SVOPL: variants seen among roughly 807,000 people sequenced by gnomAD.
The protein encoded by SVOPL is putative transporter SVOPL.
In SVOPL, 60 loss-of-function variants were observed where a neutral mutation model predicts 61.0. The ratio of observed to expected loss-of-function variants is 0.98; its 90% CI spans 0.80 to 1.22. The LOEUF is 1.22. Ranked by LOEUF, SVOPL falls within the 50% of genes most tolerant of loss-of-function variation. SVOPL has a pLI of 0.00. For synonymous variants in SVOPL, 279 were observed against 250.0 expected, an observed-to-expected ratio of 1.12 and a Z score of -1.09; for missense variants, 662 against 643.9, an observed-to-expected ratio of 1.03 and a Z score of -0.30.
rs182309978 is a variant in SVOPL at position 138,602,908 on chromosome 7, G to T, written c.1354-6378C>A. 2.4e-3 allele frequency among the ~76,000 whole-genome samples: 361 copies of T among 152,070 alleles called. 1 individual carries two copies. The highest frequency in any genetic ancestry group is 4.8e-3 in the Admixed American group (74 of 15,268). ...AAGTGAACCAAACTTTGAAAAGGGG[G>T]TTATCCATCTGCCTCTGCAGGTCAC... is the stretch of plus-strand genomic sequence containing the variant. On this transcript the variant is annotated intron_variant, in intron 14 of 15. Coordinates refer to ENST00000674285, the MANE Select transcript of SVOPL (RefSeq NM_001139456.2).
intron 9 of SVOPL, among the ~76,000 whole-genome samples, chr7:138,631,725 C>T (rs1015533730): frequency 1.6e-4 from 24 of 152,130 alleles, no homozygotes; most frequent in African/African-American, 3.9e-4. Context: ...TACATCAAAT[C>T]GTCCAGCTAA....
In SVOPL at chr7:138,623,892, T is replaced by G. The variant is rs187540315; in HGVS notation, c.1263+2077A>C. On this transcript the variant is annotated intron_variant, in intron 13 of 15. Coordinates refer to ENST00000674285, the MANE Select transcript of SVOPL (RefSeq NM_001139456.2). ...TGCAGTGCAGTGGCTCGGTTTCGAC[T>G]CACCGCAACCTTTGCCCCCCAGGTT... Among the ~76,000 whole-genome samples the G allele has an allele frequency of 1.3e-4, 20 of 152,276 alleles. No individual in the cohort carries two copies. The East Asian group carries it at 3.1e-3, about 24-fold the overall frequency.
intron 4 of SVOPL, among the ~76,000 whole-genome samples, chr7:138,663,989 A>G (rs941500488): frequency 5.9e-5 from 9 of 152,078 alleles, no homozygotes; most frequent in African/African-American, 2.2e-4. Context: ...AATTCATCAT[A>G]TATATTCTTG....
chr7:138,611,068 G>A (rs900661540), intron 14 of SVOPL, among the ~76,000 whole-genome samples: 4 of 152,134 alleles, frequency 2.6e-5, no homozygotes, highest in Admixed American at 2.0e-4. Context: ...CTTCTCTTTT[G>A]CAATAGTTAT....
At chr7:138,678,292 C>T (rs1422622279) in intron 3 of SVOPL, 142 bp downstream of exon 3, 4 of 731,938 alleles carry the variant, frequency 5.5e-6, no homozygotes, top group East Asian at 2.9e-5. Context: ...AACGGTGCCC[C>T]ATCCACCTTG....
chr7:138,629,121 TTATA>T (rs796180145), intron 10 of SVOPL, among the ~76,000 whole-genome samples: 7,448 of 102,898 alleles, frequency 0.072, 618 homozygotes, highest in African/African-American at 0.25. Context: ...TAAGCATGTT[TTATA>T]TATGTGTGTG....
At chr7:138,679,643 G>T (rs1405722680) in intron 1 of SVOPL, among the ~76,000 whole-genome samples, 1 of 152,052 alleles carries the variant, frequency 6.6e-6, no homozygotes, top group Non-Finnish European at 1.5e-5. Context: ...TCTCAAATGG[G>T]TTTCCTAAAA....
chr7:138,671,607 C>T (rs1379356747), intron 4 of SVOPL, among the ~76,000 whole-genome samples: 1 of 152,166 alleles, frequency 6.6e-6, no homozygotes, highest in Non-Finnish European at 1.5e-5. Flanking sequence ...CTCAGCCTCC[C>T]AAAGTGCTGG....
At chr7:138,675,446 C>T (rs529188328) in intron 3 of SVOPL, among the ~76,000 whole-genome samples, 5 of 152,062 alleles carry the variant, frequency 3.3e-5, no homozygotes, top group South Asian at 2.1e-4. Context: ...CTCCATCTCC[C>T]GGGTTCAAGC....
Position 138,628,278 on chromosome 7 carries a change from C to T in SVOPL, c.949G>A (p.Asp317Asn). The stretch of plus-strand genomic sequence containing the variant: ...CCCCCAGTCACCACCACCGCAGAGT[C>T]TGACTTTGAACCACAGACCAAGTCC... The part of the protein sequence containing the change: ...ERDLVCGSKS[D>N]SAVVVTGGDS... Residue 317 changes from aspartate (D) to asparagine (N), a missense_variant, in exon 11 of 16, where the codon GAC becomes AAC. By Grantham distance (23) the Asp-to-Asn change is conservative. Coordinates refer to ENST00000674285, the MANE Select transcript of SVOPL (RefSeq NM_001139456.2). 4.3e-6 allele frequency: 7 copies of T among 1,614,220 alleles called. No individual in the cohort carries two copies. Among genetic ancestry groups the T allele is most frequent in the Non-Finnish European group, 5.9e-6 (7 of 1,180,048 alleles).
intron 9 of SVOPL, among the ~76,000 whole-genome samples, chr7:138,631,369 AATGT>A (rs1203007947): frequency 6.6e-6 from 1 of 152,106 alleles, no homozygotes; most frequent in Admixed American, 6.6e-5. Flanking sequence ...GTTATTCTAA[AATGT>A]ATGAGTAAGT....
At chr7:138,635,005 A>T (rs1304931193) in intron 9 of SVOPL, among the ~76,000 whole-genome samples, 2 of 152,148 alleles carry the variant, frequency 1.3e-5, no homozygotes, top group African/African-American at 4.8e-5. Context: ...GCAGTGGCTC[A>T]TGCCTGTAAT....
intron 1 of SVOPL, among the ~76,000 whole-genome samples, chr7:138,690,886 C>T (rs1241425110): frequency 6.6e-6 from 1 of 152,108 alleles, no homozygotes; most frequent in African/African-American, 2.4e-5. Flanking sequence ...GATTCTCCTG[C>T]CTCAGCCTCC....
chr7:138,625,744 A>G (rs975107954), intron 13 of SVOPL, among the ~76,000 whole-genome samples: 14 of 152,204 alleles, frequency 9.2e-5, no homozygotes, highest in African/African-American at 3.4e-4. Flanking sequence ...CATGCATGCT[A>G]TTTAAAGAAA....
intron 3 of SVOPL, 67 bp downstream of exon 3, chr7:138,678,367 G>A: frequency 6.6e-7 from 1 of 1,506,206 alleles, no homozygotes; most frequent in South Asian, 1.2e-5. Flanking sequence ...ATTTGGCTCA[G>A]AATAAATCTC....
At chr7:138,643,391 C>T (rs1319615532) in intron 9 of SVOPL, among the ~76,000 whole-genome samples, 2 of 142,186 alleles carry the variant, frequency 1.4e-5, no homozygotes, top group Non-Finnish European at 3.0e-5. Flanking sequence ...CGCCACTGCA[C>T]TCCAGCCTGG....
chr7:138,699,179 G>T (rs1803136013), intron 1 of SVOPL, among the ~76,000 whole-genome samples: 1 of 151,158 alleles, frequency 6.6e-6, no homozygotes, highest in African/African-American at 2.4e-5. Flanking sequence ...GTGGTAGCGG[G>T]TGTAGTCCCA....
At position 138,628,362 on chromosome 7, in the gene SVOPL, G is replaced by A; in HGVS notation, c.865C>T (p.Leu289Phe). 2 of 1,613,826 alleles carry A rather than the reference G, an allele frequency of 1.2e-6. No individual in the cohort carries two copies. The highest frequency in any genetic ancestry group is 1.7e-6 in the Non-Finnish European group (2 of 1,179,986). The change falls in exon 11 of 16, where the codon CTT (leucine) becomes TTT (phenylalanine). Residue 289 changes from leucine to phenylalanine, a missense_variant and splice_region_variant. Leu to Phe is a conservative substitution (Grantham distance 22). Transcript: ENST00000674285. ...CCATAGTAGGCAAAAGAGATTCCAA[G>A]CCTGGAAGAGAGAAAACAAAGTCAC... The part of the protein sequence containing the change: ...RTTLQIWVIW[L>F]GISFAYYGVI...
At chr7:138,661,390 C>G in intron 5 of SVOPL, 2 of 985,392 alleles carry the variant, frequency 2.0e-6, no homozygotes, top group Non-Finnish European at 2.4e-6. Flanking sequence ...CATCCATCAA[C>G]TTGAGAGAGA....
Sources: allele counts gnomAD v4.1 joint callset (sites outside exome capture counted in the v4.1 genomes callset), GRCh38; gene constraint gnomAD v4.1.1; transcripts MANE v1.5; gene names NCBI Gene and HGNC (gene_info 2026-07-23, HGNC 2026-07-21).